Variants in MEIOC observed in about 807,000 individuals in gnomAD.
MEIOC encodes the protein meiosis-specific coiled-coil domain-containing protein MEIOC.
Under a neutral mutation model 85.3 loss-of-function variants are expected in MEIOC, and 9 were observed. The observed-to-expected ratio is 0.11, with a 90% CI of 0.06 to 0.18. The LOEUF (loss-of-function observed/expected upper bound fraction) is 0.18. Among genes scored for constraint, MEIOC ranks in the 10% least tolerant of loss-of-function variants. The probability of loss-of-function intolerance (pLI) is 1.00; values close to 1 mark genes in which losing one functional copy is unlikely to be tolerated. For synonymous variants in MEIOC, 365 were observed against 393.7 expected (o/e 0.93, Z 0.86); for missense variants, 898 against 1,129.4 (o/e 0.80, Z 2.94).
At chr17:44,669,332 C>G (rs1167400871) in intron 5 of MEIOC, 51 bp from the exon 6 acceptor site, 2 of 1,401,102 alleles carry the variant, frequency 1.4e-6, no homozygotes, top group African/African-American at 1.4e-5. Context: ...TATTCATGGT[C>G]GAATCATATT....
At position 44,656,493 on chromosome 17, in the gene MEIOC, C is replaced by T; in HGVS notation, c.-121C>T. ...ACACTGGCTCCAGGCAGCGCCCGGG[C>T]GGCGGAGGCGGCTGCGGAGACGGCG... On this transcript the variant is annotated 5_prime_UTR_variant, in exon 1 of 8. Coordinates refer to ENST00000409122, the MANE Select transcript of MEIOC (RefSeq NM_001145080.3). 3 of 765,276 alleles carry T rather than the reference C, an allele frequency of 3.9e-6. No homozygotes were observed. Among genetic ancestry groups the T allele is most frequent in the Non-Finnish European group, 5.7e-6 (3 of 527,068 alleles). The allele number at this position is 765,276 out of a possible 1,614,324, so 47.4% of individuals were successfully genotyped here.
intron 4 of MEIOC, 61 bp downstream of exon 4, chr17:44,665,549 C>A: frequency 1.3e-6 from 1 of 752,594 alleles, no homozygotes; most frequent in Non-Finnish European, 1.9e-6. Context: ...CTAGTTTACC[C>A]TGTTTATTAA....
Position 44,674,403 on chromosome 17 carries a change from G to C in MEIOC, c.*207G>C, listed in dbSNP as rs2144679166. ...TTTAAGTAAACGCAAAGGTACAGTT[G>C]ACTACTCAGAGTTCTGAGTAGTCAG... On this transcript the variant is annotated 3_prime_UTR_variant, in exon 8 of 8. Coordinates refer to ENST00000409122, the MANE Select transcript of MEIOC (RefSeq NM_001145080.3). 1 of 1,341,534 alleles carries C rather than the reference G, an allele frequency of 7.5e-7. No homozygotes were observed. Among genetic ancestry groups the C allele is most frequent in the East Asian group, 2.7e-5 (1 of 36,784 alleles). 83.1% of individuals were successfully genotyped at this position (1,341,534 alleles called of 1,614,324 possible).
At position 44,660,931 on chromosome 17, in the gene MEIOC, TA is replaced by T. The variant is rs765793524; in HGVS notation, c.205-1373del. 7.8e-3 allele frequency among the ~76,000 whole-genome samples: 1,084 copies of T among 139,420 alleles called. 3 individuals are homozygous for T. The highest frequency in any genetic ancestry group is 0.018 in the Middle Eastern group (5 of 276). The allele number at this position is 139,420 out of a possible 152,430, so 91.5% of individuals were successfully genotyped here. A position where few individuals can be genotyped will look rare whatever the true frequency, so the allele number is the denominator to read the frequency against. On this transcript the variant is annotated intron_variant, in intron 2 of 7. Coordinates refer to ENST00000409122, the MANE Select transcript of MEIOC (RefSeq NM_001145080.3). ...AACACAGTGAGACCCCATTTCTATT[TA>T]AAAAAAAAAAAAGAAACTTAACACC...
intron 2 of MEIOC, among the ~76,000 whole-genome samples, chr17:44,660,286 G>A (rs1568132020): frequency 6.6e-6 from 1 of 151,572 alleles, no homozygotes; most frequent in Non-Finnish European, 1.5e-5. Context: ...TGTTGCCCAG[G>A]CTGGAGTGCA....
chr17:44,657,214 G>A lies in MEIOC; in HGVS notation c.157G>A (p.Val53Met), dbSNP rs1394306398. 3.9e-6 allele frequency: 6 copies of A among 1,552,094 alleles called. No individual in the cohort carries two copies. The South Asian group carries it at 7.1e-5, about 18-fold the overall frequency. The part of the protein sequence containing the change: ...GSRLTDVFGS[V>M]MLTGSASFYD... Reference sequence around the variant, plus strand: ...CAGGTTAACCGACGTCTTCGGCAGCGTGATGTTGACTGGCTCCGCTTCCTT... The same window carrying A: ...CAGGTTAACCGACGTCTTCGGCAGCATGATGTTGACTGGCTCCGCTTCCTT... Residue 53 changes from valine (V) to methionine (M), a missense_variant, in exon 2 of 8, where the codon GTG becomes ATG. This residue lies in a region of MEIOC where 734 missense variants were observed against 860.1 expected (regional missense o/e 0.85). Transcript: ENST00000409122.
rs1972061057 is a variant in MEIOC at position 44,675,298 on chromosome 17, G to C, written c.*1102G>C. 2 of 978,292 alleles carry C rather than the reference G, an allele frequency of 2.0e-6. No individual in the cohort carries two copies. The highest frequency in any genetic ancestry group is 2.4e-6 in the Non-Finnish European group (2 of 823,740). 60.6% of individuals were successfully genotyped at this position (978,292 alleles called of 1,614,324 possible). A position where few individuals can be genotyped will look rare whatever the true frequency, so the allele number is the denominator to read the frequency against. ...AACTATTGAAAGCTTAACTTTTTCT[G>C]TTTCTCATCACTTAGTATCTTTGTA... On this transcript the variant is annotated 3_prime_UTR_variant, in exon 8 of 8. Coordinates refer to ENST00000409122, the MANE Select transcript of MEIOC (RefSeq NM_001145080.3).
intron 2 of MEIOC, among the ~76,000 whole-genome samples, chr17:44,661,701 A>G (rs1598725435): frequency 6.6e-6 from 1 of 151,958 alleles, no homozygotes; most frequent in Non-Finnish European, 1.5e-5. Context: ...ACAGGCGCCC[A>G]TCACCACCAC....
rs1161340971 is a variant in MEIOC, at chr17:44,663,303, G to GATGATA, written c.359+836_359+837insTAATGA. Among the ~76,000 whole-genome samples, 4 of 151,766 alleles carry GATGATA rather than the reference G, an allele frequency of 2.6e-5. No homozygotes were observed. The East Asian group carries it at 5.8e-4, about 22-fold the overall frequency. On this transcript the variant is annotated intron_variant, in intron 3 of 7. Coordinates refer to ENST00000409122, the MANE Select transcript of MEIOC (RefSeq NM_001145080.3). The stretch of plus-strand genomic sequence containing the variant: ...TGATGATGATGATGATGATGATGAT[G>GATGATA]ATGACGATAACTAGGATATTATGGG...
In MEIOC at chr17:44,666,968, T is replaced by C. The variant is rs1488841673; in HGVS notation, c.1057T>C (p.Leu353=). The part of the protein sequence containing the change: ...SNFSVQDSKK[L]ANGTPETPTV... Reference sequence around the variant, plus strand: ...TTTTAGTGTCCAAGATAGCAAAAAATTAGCCAATGGCACACCTGAAACACC... The same window carrying C: ...TTTTAGTGTCCAAGATAGCAAAAAACTAGCCAATGGCACACCTGAAACACC... The change falls in exon 5 of 8, where the codon TTA becomes CTA. Residue 353 remains leucine (L), a synonymous_variant. Transcript: ENST00000409122. 2.5e-6 allele frequency: 4 copies of C among 1,612,692 alleles called. No homozygotes were observed. The highest frequency in any genetic ancestry group is 3.3e-5 in the Admixed American group (2 of 59,722).
downstream of MEIOC, chr17:44,675,805 G>C: frequency 1.1e-6 from 1 of 912,644 alleles, no homozygotes; most frequent in Non-Finnish European, 1.3e-6. Context: ...GAAAACATTT[G>C]GTTTCATTTT....
Position 44,667,373 on chromosome 17 carries a change from C to G in MEIOC, c.1462C>G (p.Pro488Ala). The change falls in exon 5 of 8, where the codon CCT becomes GCT. Residue 488 changes from proline (P) to alanine (A), a missense_variant. By Grantham distance (27) the Pro-to-Ala change is conservative. This residue lies in a region of MEIOC where 734 missense variants were observed against 860.1 expected (regional missense o/e 0.85). Coordinates refer to ENST00000409122, the MANE Select transcript of MEIOC (RefSeq NM_001145080.3). ...GAATGTTCAAACAAAAAATAACACT[C>G]CTATTCCTTATCGAAATCAAGGTAA... ...WMNVQTKNNT[P>A]IPYRNQGNLM... 6.2e-7 allele frequency: 1 copy of G among 1,613,818 alleles called. No homozygotes were observed. Among genetic ancestry groups the G allele is most frequent in the Admixed American group, 1.7e-5 (1 of 60,014 alleles).
At chr17:44,661,758 G>A (rs1971845270) in intron 2 of MEIOC, among the ~76,000 whole-genome samples, 2 of 151,924 alleles carry the variant, frequency 1.3e-5, no homozygotes, top group East Asian at 1.9e-4. Context: ...GTTTAGCCAG[G>A]ATGGTCTCAT....
chr17:44,657,429 G>T (rs1228568696), intron 2 of MEIOC, among the ~76,000 whole-genome samples, 168 bp downstream of exon 2: 1 of 142,206 alleles, frequency 7.0e-6, no homozygotes, highest in East Asian at 2.1e-4. Context: ...TGTCTCCTAG[G>T]CTGGAGTGCA....
At chr17:44,658,264 C>T (rs1971793178) in intron 2 of MEIOC, among the ~76,000 whole-genome samples, 2 of 149,430 alleles carry the variant, frequency 1.3e-5, no homozygotes, top group African/African-American at 2.5e-5. Flanking sequence ...ACGCCATTCT[C>T]CTGCCTCAGC....
chr17:44,658,087 A>G (rs1228150276), intron 2 of MEIOC, among the ~76,000 whole-genome samples: 1 of 145,762 alleles, frequency 6.9e-6, no homozygotes, highest in East Asian at 2.1e-4. Context: ...TCTGGGCTCC[A>G]GCCATCCTCC....
intron 5 of MEIOC, 56 bp from the exon 6 acceptor site, chr17:44,669,327 A>G (rs1971963371): frequency 4.4e-6 from 6 of 1,375,536 alleles, no homozygotes; most frequent in Middle Eastern, 1.8e-4. Context: ...ACTATTATTC[A>G]TGGTCGAATC....
At chr17:44,668,433 G>C (rs1453558219) in intron 5 of MEIOC, among the ~76,000 whole-genome samples, 200 bp downstream of exon 5, 1 of 152,112 alleles carries the variant, frequency 6.6e-6, no homozygotes, top group African/African-American at 2.4e-5. Context: ...CCAAACTCCT[G>C]GGCTCAAGCA....
intron 2 of MEIOC, among the ~76,000 whole-genome samples, chr17:44,661,112 TA>T (rs1401620294): frequency 6.6e-6 from 1 of 151,668 alleles, no homozygotes; most frequent in East Asian, 1.9e-4. Context: ...GGTGAAACCC[TA>T]AAACTCTCTA....
Sources: allele counts gnomAD v4.1 joint callset (sites outside exome capture counted in the v4.1 genomes callset), GRCh38; gene constraint gnomAD v4.1.1; regional missense constraint gnomAD v4.1.1; transcripts MANE v1.5; gene names NCBI Gene and HGNC (gene_info 2026-07-23, HGNC 2026-07-21).